Variants in MCF2L observed in about 807,000 individuals in gnomAD.
The protein encoded by MCF2L is MCF.2 cell line derived transforming sequence like, also known as guanine nucleotide exchange factor DBS.
MCF2L carries 97 observed loss-of-function variants against 153.4 expected under a neutral mutation model. The ratio of observed to expected loss-of-function variants is 0.63; its 90% confidence interval spans 0.54 to 0.75. MCF2L has a LOEUF of 0.75. Among genes scored for constraint, MCF2L ranks in the 30% least tolerant of loss-of-function variants. The pLI, the probability that MCF2L is intolerant of heterozygous loss-of-function variation, is 0.00. For synonymous variants in MCF2L, 659 were observed against 632.2 expected, an observed-to-expected ratio of 1.04 and a Z score of -0.64; for missense variants, 1,347 against 1,495.2, an observed-to-expected ratio of 0.90 and a Z score of 1.64.
chr13:113,045,624 CAT>C lies in MCF2L; in HGVS notation c.369+266_369+267del. 2 of 536,636 alleles carry C rather than the reference CAT, an allele frequency of 3.7e-6. No homozygotes were observed. Among genetic ancestry groups the C allele is most frequent in the Non-Finnish European group, 6.7e-6 (2 of 297,940 alleles). The allele number at this position is 536,636 out of a possible 1,614,324, so 33.2% of individuals were successfully genotyped here. On this transcript the variant is annotated intron_variant, in intron 4 of 29. Coordinates refer to ENST00000535094, the MANE Select transcript of MCF2L (RefSeq NM_001112732.3). The surrounding 1 kb of genome is among the most constrained non-coding windows in gnomAD (Gnocchi z 4.2). The stretch of plus-strand genomic sequence containing the variant: ...AACAATTTCCCCAGGCAGAGCAGCC[CAT>C]ATGTTTCCGAACACCAAGTCTGAGA...
At chr13:113,077,630 C>G (rs995939958) in intron 13 of MCF2L, among the ~76,000 whole-genome samples, 2 of 152,204 alleles carry the variant, frequency 1.3e-5, no homozygotes, top group African/African-American at 4.8e-5. Context: ...ACATTCCTCA[C>G]ACACGGCCCA....
At chr13:112,925,425 C>T (rs1207443854) in intron 2 of MCF2L, among the ~76,000 whole-genome samples, 4 of 152,194 alleles carry the variant, frequency 2.6e-5, no homozygotes, top group Non-Finnish European at 4.4e-5. Context: ...CGTATGTGGA[C>T]GTTCACAGCA....
intron 25 of MCF2L, among the ~76,000 whole-genome samples, chr13:113,088,974 C>T (rs978447615): frequency 3.9e-5 from 6 of 152,356 alleles, no homozygotes; most frequent in East Asian, 1.9e-4. Flanking sequence ...CACGTGGGCA[C>T]GTTTCAGACT....
intron 2 of MCF2L, among the ~76,000 whole-genome samples, chr13:112,915,426 T>G: frequency 4.1e-5 from 2 of 49,226 alleles, no homozygotes; most frequent in African/African-American, 1.7e-4. Context: ...AAAAAAAAAA[T>G]CCATCCTCAC....
chr13:113,064,203 C>A lies in MCF2L; in HGVS notation c.490-101C>A. 1 of 860,264 alleles carries A rather than the reference C, an allele frequency of 1.2e-6. No homozygotes were observed. Among genetic ancestry groups the A allele is most frequent in the South Asian group, 1.4e-5 (1 of 71,584 alleles). The allele number at this position is 860,264 out of a possible 1,614,324, so 53.3% of individuals were successfully genotyped here. ...CAGCCGCCCGCAGCATCCAGGCAGA[C>A]GTGGTCCTCTCTGTGCTGCTGGGTG... On this transcript the variant is annotated intron_variant, in intron 5 of 29. Transcript: ENST00000535094. This position sits in a 1 kb window ranked among gnomAD's most constrained non-coding sequence, Gnocchi z 6.0.
chr13:113,075,868 GATCTGTCGGGAGGACACCCCGGC>G (rs2033419675), intron 11 of MCF2L, 75 bp from the exon 12 acceptor site: 1 of 965,420 alleles, frequency 1.0e-6, no homozygotes, highest in Admixed American at 2.9e-5. Flanking sequence ...GGTGGCCCGG[GATCTGTCGGGAGGACACCCCGGC>G]AGTGTGTGCC....
At chr13:113,075,260 C>A in intron 11 of MCF2L, 71 bp downstream of exon 11, 1 of 1,399,246 alleles carries the variant, frequency 7.1e-7, no homozygotes, top group Non-Finnish European at 9.6e-7. Context: ...ACATCCACCA[C>A]CGGCTGACCC....
In MCF2L at chr13:113,045,143, A is replaced by G. The variant is rs2086729605; in HGVS notation, c.279-128A>G. 1.1e-6 allele frequency: 1 copy of G among 946,058 alleles called. No individual in the cohort carries two copies. The highest frequency in any genetic ancestry group is 2.5e-5 in the East Asian group (1 of 40,078). 58.6% of individuals were successfully genotyped at this position (946,058 alleles called of 1,614,324 possible). A position where few individuals can be genotyped will look rare whatever the true frequency, so the allele number is the denominator to read the frequency against. ...GGGGCCCCCGTGTGCCATGCCTCTC[A>G]CCTGGTATTGCAGAAATGGCATCAT... On this transcript the variant is annotated intron_variant, in intron 3 of 29. Coordinates refer to ENST00000535094, the MANE Select transcript of MCF2L (RefSeq NM_001112732.3). This position sits in a 1 kb window ranked among gnomAD's most constrained non-coding sequence, Gnocchi z 4.2.
At chr13:112,991,011 CAAAG>C (rs2082875445) in intron 1 of MCF2L, among the ~76,000 whole-genome samples, 1 of 152,236 alleles carries the variant, frequency 6.6e-6, no homozygotes, top group Non-Finnish European at 1.5e-5. Context: ...GAGACAAAAA[CAAAG>C]AAAGCCTGCT....
chr13:113,088,706 G>A (rs1439357058), intron 25 of MCF2L, 78 bp downstream of exon 25: 5 of 1,435,084 alleles, frequency 3.5e-6, no homozygotes. Context: ...AGGGTCCTCG[G>A]CCTCTGTCAG....
chr13:113,074,896 C>T lies in MCF2L; in HGVS notation c.1117-102C>T. 1.5e-5 allele frequency: 16 copies of T among 1,084,672 alleles called. No individual in the cohort carries two copies. Among genetic ancestry groups the T allele is most frequent in the Non-Finnish European group, 2.1e-5 (16 of 751,064 alleles). The allele number at this position is 1,084,672 out of a possible 1,614,324, so 67.2% of individuals were successfully genotyped here. On this transcript the variant is annotated intron_variant, in intron 10 of 29. Transcript: ENST00000535094. This position sits in a 1 kb window ranked among gnomAD's most constrained non-coding sequence, Gnocchi z 4.2. ...CATCCGCAGCAGTAAACAAAGAAAT[C>T]AAGACACACGTGTGCCCCGGGACAC...
In MCF2L at chr13:113,083,986, T is replaced by G. The variant is rs2142014546; in HGVS notation, c.1992-12T>G. 1 of 1,610,356 alleles carries G rather than the reference T, an allele frequency of 6.2e-7. No homozygotes were observed. Among genetic ancestry groups the G allele is most frequent in the Non-Finnish European group, 8.5e-7 (1 of 1,176,648 alleles). ...CTGTCTTTCATACTACTTAAAAACC[T>G]TCTTTGTCTAGGATATTCCTCAGGG... is the stretch of plus-strand genomic sequence containing the variant. On this transcript the variant is annotated splice_polypyrimidine_tract_variant and intron_variant, in intron 17 of 29. Coordinates refer to ENST00000535094, the MANE Select transcript of MCF2L (RefSeq NM_001112732.3).
chr13:113,082,499 G>A lies in MCF2L; in HGVS notation c.1948G>A (p.Val650Ile). 3.7e-6 allele frequency: 6 copies of A among 1,613,996 alleles called. No individual in the cohort carries two copies. The highest frequency in any genetic ancestry group is 5.1e-6 in the Non-Finnish European group (6 of 1,179,882). ...AACAGGCCTTCACAACAAGAAGGATGTTTTGTTTGGAAACATGGAGGAAAT... is the reference window on the plus strand; with the variant it reads ...AACAGGCCTTCACAACAAGAAGGATATTTTGTTTGGAAACATGGAGGAAAT... ...LSTGLHNKKD[V>I]LFGNMEEIYH... The change falls in exon 17 of 30, where the codon GTT (valine) becomes ATT (isoleucine). Residue 650 changes from valine (V) to isoleucine (I), a missense_variant. Transcript: ENST00000535094.
At chr13:113,066,749 C>T (rs1456303305) in intron 8 of MCF2L, among the ~76,000 whole-genome samples, 1 of 151,868 alleles carries the variant, frequency 6.6e-6, no homozygotes, top group East Asian at 1.9e-4. Flanking sequence ...CAAGACTCCC[C>T]AAGCCTCCCA....
chr13:113,005,871 A>G (rs1176115740), intron 1 of MCF2L, among the ~76,000 whole-genome samples: 1 of 152,218 alleles, frequency 6.6e-6, no homozygotes, highest in Non-Finnish European at 1.5e-5. Flanking sequence ...TTTTCTCAAT[A>G]TAGCTGGAAA....
At chr13:113,055,565 G>T (rs117202946) in intron 4 of MCF2L, among the ~76,000 whole-genome samples, 1 of 152,134 alleles carries the variant, frequency 6.6e-6, no homozygotes, top group Non-Finnish European at 1.5e-5. Context: ...CTGGTTTTCC[G>T]TAAATAGTGG....
At chr13:112,902,138 A>G (rs900288202) in intron 1 of MCF2L, 3 of 1,400,490 alleles carry the variant, frequency 2.1e-6, no homozygotes, top group Non-Finnish European at 3.0e-6. Flanking sequence ...GTTCAGAGCA[A>G]CAGTTCTTAA....
At chr13:112,935,648 C>T (rs755858845) in intron 2 of MCF2L, among the ~76,000 whole-genome samples, 12 of 152,188 alleles carry the variant, frequency 7.9e-5, no homozygotes, top group Non-Finnish European at 1.6e-4. Context: ...GATAGCTGGG[C>T]TGAGCTGTGA....
chr13:112,963,209 C>T (rs1451439079), intron 2 of MCF2L, among the ~76,000 whole-genome samples: 1 of 152,246 alleles, frequency 6.6e-6, no homozygotes, highest in Non-Finnish European at 1.5e-5. Context: ...ATGCCGCTGT[C>T]TCTTCACGTC....
Sources: gnomAD v4.1 joint callset for allele counts (sites outside exome capture counted in the v4.1 genomes callset) on GRCh38, gnomAD v4.1.1 for gene constraint, Gnocchi (gnomAD v3.1) non-coding constraint, MANE v1.5 for transcripts, NCBI Gene and HGNC (gene_info 2026-07-23, HGNC 2026-07-21) for gene names.